Variants in NRG1 observed in about 807,000 individuals in gnomAD.
The protein encoded by NRG1 is neuregulin 1.
Under a neutral mutation model 63.8 loss-of-function variants are expected in NRG1, and 18 were observed. The ratio of observed to expected loss-of-function variants is 0.28; its 90% confidence interval spans 0.19 to 0.42. NRG1 has a LOEUF of 0.42. Among genes scored for constraint, NRG1 ranks in the 10% least tolerant of loss-of-function variants. The probability of loss-of-function intolerance (pLI) is 1.00; values close to 1 mark genes in which losing one functional copy is unlikely to be tolerated. For synonymous variants in NRG1, 302 were observed against 301.3 expected (o/e 1.00, Z -0.02); for missense variants, 762 against 814.7 (o/e 0.94, Z 0.79).
intron 1 of NRG1, among the ~76,000 whole-genome samples, chr8:32,375,524 C>T (rs191796641): frequency 1.1e-4 from 16 of 152,180 alleles, no homozygotes; most frequent in Non-Finnish European, 2.2e-4. Context: ...GAAGATGTTG[C>T]CCATCCTTAG....
At chr8:32,655,327 C>A (rs1801226685) in intron 5 of NRG1, among the ~76,000 whole-genome samples, 1 of 152,140 alleles carries the variant, frequency 6.6e-6, no homozygotes, top group African/African-American at 2.4e-5. Flanking sequence ...GATCAAATAC[C>A]AGCTCTACCT....
At chr8:32,533,643 G>A (rs1214600363) in intron 1 of NRG1, among the ~76,000 whole-genome samples, 2 of 151,884 alleles carry the variant, frequency 1.3e-5, no homozygotes, top group Admixed American at 1.3e-4. Context: ...CTATCAAAAT[G>A]GGACACTGTT....
chr8:32,154,516 C>T (rs1837848583), intron 1 of NRG1, among the ~76,000 whole-genome samples: 1 of 152,052 alleles, frequency 6.6e-6, no homozygotes, highest in South Asian at 2.1e-4. Context: ...CTTTGCCCTT[C>T]TCTCTTCCTC....
At chr8:32,418,025 T>G (rs1405989418) in intron 1 of NRG1, among the ~76,000 whole-genome samples, 2 of 152,116 alleles carry the variant, frequency 1.3e-5, no homozygotes, top group South Asian at 2.1e-4. Context: ...TATCACTAGA[T>G]AGTGGCAGAG....
chr8:32,062,374 A>AT (rs56680275), intron 1 of NRG1, among the ~76,000 whole-genome samples: 1 of 151,834 alleles, frequency 6.6e-6, no homozygotes, highest in South Asian at 2.1e-4. Context: ...AGTATATTAA[A>AT]TTTTTTTTCA....
At chr8:32,679,071 C>T (rs903674222) in intron 5 of NRG1, among the ~76,000 whole-genome samples, 30 of 151,818 alleles carry the variant, frequency 2.0e-4, no homozygotes, top group Admixed American at 9.9e-4. Flanking sequence ...GTGGGAGGAT[C>T]GCTTGAGTCC....
rs566598622 is a variant in NRG1, at chr8:31,645,602, T to G, written c.37+6171T>G. On this transcript the variant is annotated intron_variant, in intron 1 of 10. Transcript: ENST00000519301. ...ATAGATACAATTATTAGGAAACAGT[T>G]CTCCCTAATACAGACTTGCCATCCA... 2.6e-5 allele frequency among the ~76,000 whole-genome samples: 4 copies of G among 152,264 alleles called. No homozygotes were observed. The South Asian group carries it at 8.3e-4, about 32-fold the overall frequency.
chr8:32,571,185 G>A (rs1351433996), intron 1 of NRG1, among the ~76,000 whole-genome samples: 2 of 152,174 alleles, frequency 1.3e-5, no homozygotes, highest in Non-Finnish European at 2.9e-5. Context: ...TAAAGATACA[G>A]CAATGACATG....
chr8:31,997,648 T>C (rs1233723306), intron 1 of NRG1, among the ~76,000 whole-genome samples: 1 of 151,946 alleles, frequency 6.6e-6, no homozygotes, highest in East Asian at 1.9e-4. Flanking sequence ...AATCTATTTC[T>C]TCTCACTCAC....
intron 1 of NRG1, among the ~76,000 whole-genome samples, chr8:31,734,931 T>G (rs1586021192): frequency 2.0e-5 from 3 of 152,162 alleles, no homozygotes; most frequent in African/African-American, 7.2e-5. Context: ...AAGGGTCCCA[T>G]GAAAGATTAG....
intron 1 of NRG1, among the ~76,000 whole-genome samples, chr8:31,671,722 T>A (rs1278302558): frequency 6.6e-6 from 1 of 152,126 alleles, no homozygotes; most frequent in African/African-American, 2.4e-5. Context: ...AAAGGGAACA[T>A]TTTCGTGGGA....
chr8:32,333,285 C>T (rs1802867057), intron 1 of NRG1, among the ~76,000 whole-genome samples: 1 of 152,162 alleles, frequency 6.6e-6, no homozygotes, highest in Admixed American at 6.6e-5. Context: ...AGCAGTCACC[C>T]CATGTCACCT....
chr8:32,240,784 A>T (rs1848021699), intron 1 of NRG1, among the ~76,000 whole-genome samples: 1 of 151,886 alleles, frequency 6.6e-6, no homozygotes, highest in Non-Finnish European at 1.5e-5. Flanking sequence ...TTATTTCAAG[A>T]TAAAAAAAGT....
intron 1 of NRG1, among the ~76,000 whole-genome samples, chr8:32,087,474 T>TTTTC (rs1476116874): frequency 1.3e-5 from 1 of 75,670 alleles, no homozygotes; most frequent in East Asian, 3.7e-4. Context: ...CAGGTATTTC[T>TTTTC]TTTCTTTCTT....
chr8:31,864,032 C>A (rs1828719426), intron 1 of NRG1, among the ~76,000 whole-genome samples: 1 of 152,096 alleles, frequency 6.6e-6, no homozygotes. Context: ...ATGGCCTATA[C>A]CTGGTAATAT....
chr8:31,853,646 A>G (rs1376212718), intron 1 of NRG1, among the ~76,000 whole-genome samples: 171 of 138,986 alleles, frequency 1.2e-3, no homozygotes, highest in South Asian at 4.3e-3. Context: ...TTCCAACACT[A>G]TGTTGAATAG....
chr8:32,746,985 T>C (rs1031490149), intron 7 of NRG1, among the ~76,000 whole-genome samples: 3 of 151,850 alleles, frequency 2.0e-5, no homozygotes, highest in Non-Finnish European at 4.4e-5. Flanking sequence ...TCTGCTTGTT[T>C]CCTTGTTAGG....
At chr8:32,688,849 C>A (rs1810853009) in intron 5 of NRG1, among the ~76,000 whole-genome samples, 1 of 152,148 alleles carries the variant, frequency 6.6e-6, no homozygotes, top group East Asian at 1.9e-4. Context: ...TTATTATACT[C>A]CTGAAACCAC....
Position 32,513,013 on chromosome 8 carries a change from G to A in NRG1, c.38-82815G>A, listed in dbSNP as rs929431651. On this transcript the variant is annotated intron_variant, in intron 1 of 10. Transcript: ENST00000519301. ...AATATCCAAACAAAGACGGATACAT[G>A]TGAAAACTTGGGACAGTAAAATTGT... 5.9e-5 allele frequency among the ~76,000 whole-genome samples: 9 copies of A among 152,100 alleles called. No individual in the cohort carries two copies. The South Asian group carries it at 6.2e-4, about 11-fold the overall frequency.
Sources: allele counts gnomAD v4.1 joint callset (sites outside exome capture counted in the v4.1 genomes callset), GRCh38; gene constraint gnomAD v4.1.1; transcripts MANE v1.5; gene names NCBI Gene and HGNC (gene_info 2026-07-23, HGNC 2026-07-21).